Variants in RBFOX1 observed in about 807,000 individuals in gnomAD.
RBFOX1 encodes RNA binding protein fox-1 homolog 1.
A neutral mutation model predicts 57.7 loss-of-function variants in RBFOX1; 8 were observed. The ratio of observed to expected loss-of-function variants is 0.14; its 90% CI spans 0.08 to 0.25. The LOEUF is 0.25. Ranked by LOEUF, RBFOX1 falls within the 10% of genes least tolerant of loss-of-function variation. The probability of loss-of-function intolerance (pLI) is 1.00; values close to 1 mark genes in which losing one functional copy is unlikely to be tolerated. For missense variants in RBFOX1, 611 were observed against 548.5 expected (o/e 1.11, Z -1.14); for synonymous variants, 326 against 222.4 (o/e 1.47, Z -4.15).
chr16:6,898,349 C>T (rs947201851), intron 3 of RBFOX1, among the ~76,000 whole-genome samples: 1 of 152,086 alleles, frequency 6.6e-6, no homozygotes, highest in Non-Finnish European at 1.5e-5. Flanking sequence ...GTGAGGAGAG[C>T]AGTCAGAGGT....
At chr16:6,040,954 A>G (rs1045954967) in intron 1 of RBFOX1, among the ~76,000 whole-genome samples, 1 of 152,150 alleles carries the variant, frequency 6.6e-6, no homozygotes, top group Non-Finnish European at 1.5e-5. Flanking sequence ...ATATCCATTC[A>G]TCTTTTGATG....
intron 1 of RBFOX1, among the ~76,000 whole-genome samples, chr16:6,124,607 A>G (rs911138961): frequency 6.6e-6 from 1 of 151,980 alleles, no homozygotes; most frequent in Non-Finnish European, 1.5e-5. Context: ...GGTTCAAGCA[A>G]TCCTCCCACT....
chr16:7,373,020 C>G (rs1048808884), intron 4 of RBFOX1, among the ~76,000 whole-genome samples: 1 of 151,716 alleles, frequency 6.6e-6, no homozygotes, highest in African/African-American at 2.4e-5. Context: ...CAAGCTCCGT[C>G]TCCCAGGCTG....
chr16:6,660,500 T>C (rs140608272), intron 3 of RBFOX1, among the ~76,000 whole-genome samples: 15 of 152,308 alleles, frequency 9.8e-5, no homozygotes, highest in African/African-American at 3.6e-4. Context: ...AGGCCACGAT[T>C]TGAGCTCAGA....
Position 7,674,446 on chromosome 16 carries a change from A to G in RBFOX1, c.931-2328A>G, listed in dbSNP as rs148609930. On this transcript the variant is annotated intron_variant, in intron 13 of 15. Coordinates refer to ENST00000550418, the MANE Select transcript of RBFOX1 (RefSeq NM_018723.4). Reference sequence around the variant, plus strand: ...GCACAGATATAGAACATTCATCTCCAAGTGGTCTACTGCACAGCAATGAGA... The same window carrying G: ...GCACAGATATAGAACATTCATCTCCGAGTGGTCTACTGCACAGCAATGAGA... Among the ~76,000 whole-genome samples the G allele has an allele frequency of 1.2e-4, 19 of 152,268 alleles. No homozygotes were observed. In the East Asian group the frequency reaches 3.7e-3, roughly 29 times the overall value.
chr16:6,648,365 G>C (rs2098550612), intron 2 of RBFOX1, among the ~76,000 whole-genome samples: 1 of 148,282 alleles, frequency 6.7e-6, no homozygotes, highest in Admixed American at 6.7e-5. Flanking sequence ...CTGGCTCCCA[G>C]GGGCATCGTA....
chr16:7,197,766 T>C (rs1351732785), intron 4 of RBFOX1, among the ~76,000 whole-genome samples: 1 of 152,162 alleles, frequency 6.6e-6, no homozygotes, highest in Non-Finnish European at 1.5e-5. Context: ...GGAGTACTGA[T>C]ACATGCTACA....
chr16:6,011,356 T>G (rs766107509), intron 4 of RBFOX1, among the ~76,000 whole-genome samples: 4 of 152,216 alleles, frequency 2.6e-5, no homozygotes, highest in African/African-American at 4.8e-5. Context: ...AGTGGAACTT[T>G]AGAAAATTTA....
chr16:5,283,440 C>T (rs184575947), intron 1 of RBFOX1, among the ~76,000 whole-genome samples: 21 of 152,270 alleles, frequency 1.4e-4, no homozygotes, highest in Non-Finnish European at 2.8e-4. Flanking sequence ...CACTCAATGC[C>T]AACCAGTGAA....
intron 2 of RBFOX1, among the ~76,000 whole-genome samples, chr16:5,494,006 G>C (rs1883136070): frequency 1.3e-5 from 2 of 152,182 alleles, no homozygotes; most frequent in Non-Finnish European, 2.9e-5. Context: ...CCTTCTTGTG[G>C]GGCTTTGTGA....
chr16:7,068,479 G>T (rs147410310), intron 4 of RBFOX1, among the ~76,000 whole-genome samples: 1 of 152,162 alleles, frequency 6.6e-6, no homozygotes, highest in Non-Finnish European at 1.5e-5. Context: ...TTCTTTTGCA[G>T]TCCCTACTGG....
At chr16:5,683,050 G>T (rs988158470) in intron 3 of RBFOX1, among the ~76,000 whole-genome samples, 3 of 149,884 alleles carry the variant, frequency 2.0e-5, no homozygotes, top group African/African-American at 7.3e-5. Context: ...ACCTTTTAGG[G>T]TTATAGTAAG....
At chr16:5,305,663 T>C (rs987612033) in intron 1 of RBFOX1, among the ~76,000 whole-genome samples, 2 of 152,106 alleles carry the variant, frequency 1.3e-5, no homozygotes, top group African/African-American at 2.4e-5. Context: ...AAATGGGAAA[T>C]CCTACACATG....
At chr16:5,294,995 A>AT (rs1320558377) in intron 1 of RBFOX1, among the ~76,000 whole-genome samples, 9 of 115,564 alleles carry the variant, frequency 7.8e-5, no homozygotes, top group Non-Finnish European at 1.8e-4. Flanking sequence ...GCACCATTGC[A>AT]CTCCAGCCTG....
chr16:5,928,974 T>C (rs573899414), intron 4 of RBFOX1, among the ~76,000 whole-genome samples: 8 of 149,730 alleles, frequency 5.3e-5, no homozygotes, highest in South Asian at 4.2e-4. Context: ...GGGTTGCAGA[T>C]CCAGCTGTGA....
chr16:5,395,672 T>C (rs1307294292), intron 1 of RBFOX1, among the ~76,000 whole-genome samples: 7 of 152,204 alleles, frequency 4.6e-5, no homozygotes, highest in Non-Finnish European at 5.9e-5. Flanking sequence ...ACCTGTGACT[T>C]GTTTTTAGCC....
intron 3 of RBFOX1, among the ~76,000 whole-genome samples, chr16:6,833,414 G>A (rs773902566): frequency 5.3e-5 from 8 of 152,072 alleles, no homozygotes; most frequent in African/African-American, 9.7e-5. Flanking sequence ...TGATCAACCT[G>A]CCTCGGCTTC....
chr16:5,606,084 C>G (rs2047568029), intron 3 of RBFOX1, among the ~76,000 whole-genome samples: 2 of 152,198 alleles, frequency 1.3e-5, no homozygotes, highest in South Asian at 4.1e-4. Context: ...AGTTGACCCA[C>G]TGTCTGATCA....
chr16:6,107,642 T>G (rs1475861274), intron 1 of RBFOX1, among the ~76,000 whole-genome samples: 10 of 149,648 alleles, frequency 6.7e-5, no homozygotes. Flanking sequence ...AATGAATTGG[T>G]GGACGGATGA....
Sources: gnomAD v4.1 joint callset for allele counts (sites outside exome capture counted in the v4.1 genomes callset) on GRCh38, gnomAD v4.1.1 for gene constraint, MANE v1.5 for transcripts, NCBI Gene and HGNC (gene_info 2026-07-23, HGNC 2026-07-21) for gene names.